The following TENM4 variants were observed in gnomAD, a reference collection of about 807,000 sequenced individuals.
The protein encoded by TENM4 is teneurin transmembrane protein 4, also known as teneurin-4.
Under a neutral mutation model 243.3 loss-of-function variants are expected in TENM4, and 82 were observed. That is an observed-to-expected ratio of 0.34 (90% CI 0.28 to 0.40). TENM4 has a LOEUF of 0.40. TENM4 is among the 10% of genes least tolerant of loss of function. The pLI is 1.00. For missense variants in TENM4, 3,138 were observed against 3,673.3 expected (o/e 0.85, Z 3.77); for synonymous variants, 1,412 against 1,456.3 (o/e 0.97, Z 0.69).
At chr11:78,877,952 G>C (rs1859311170) in intron 9 of TENM4, among the ~76,000 whole-genome samples, 1 of 152,166 alleles carries the variant, frequency 6.6e-6, no homozygotes, top group South Asian at 2.1e-4. Context: ...TACACTTCTT[G>C]CTTGAGTCAT....
chr11:79,096,062 A>G (rs1861068587), intron 4 of TENM4: 1 of 152,324 alleles, frequency 6.6e-6, no homozygotes, highest in Non-Finnish European at 1.5e-5. Flanking sequence ...AAGTGTGGAT[A>G]CTAGAGTCAG....
intron 4 of TENM4, among the ~76,000 whole-genome samples, chr11:79,109,729 C>A (rs1045258052): frequency 1.3e-5 from 2 of 152,218 alleles, no homozygotes; most frequent in Non-Finnish European, 2.9e-5. Context: ...ATCACAGACA[C>A]TCAGATATCT....
intron 6 of TENM4, among the ~76,000 whole-genome samples, chr11:79,042,470 T>C (rs1238626717): frequency 6.6e-6 from 1 of 152,190 alleles, no homozygotes; most frequent in Non-Finnish European, 1.5e-5. Context: ...TAAAAGAGGC[T>C]TAAGGGAGCT....
intron 1 of TENM4, among the ~76,000 whole-genome samples, chr11:79,332,758 G>C (rs780205884): frequency 6.6e-6 from 1 of 152,144 alleles, no homozygotes; most frequent in East Asian, 1.9e-4. Flanking sequence ...TAAGGACCTT[G>C]AATATACAGT....
chr11:79,360,333 T>A (rs946501773), intron 1 of TENM4, among the ~76,000 whole-genome samples: 7 of 152,172 alleles, frequency 4.6e-5, no homozygotes, highest in African/African-American at 1.7e-4. Context: ...TAATAATGTA[T>A]GTGATCAGGC....
chr11:79,254,499 G>C (rs1234163525), intron 2 of TENM4, among the ~76,000 whole-genome samples: 1 of 152,208 alleles, frequency 6.6e-6, no homozygotes, highest in Non-Finnish European at 1.5e-5. Flanking sequence ...CACCCTTGGA[G>C]AGAGGCAGCT....
rs147760000 is a variant in TENM4 at position 78,942,664 on chromosome 11, T to TA, written c.494-39142dup. On this transcript the variant is annotated intron_variant, in intron 6 of 33. Coordinates refer to ENST00000278550, the MANE Select transcript of TENM4 (RefSeq NM_001098816.3). Reference sequence around the variant, plus strand: ...TCTGTGGGCAACACGAGACAGAATCTATCCCAGAGGAGCCAGTGGGCAAAA... The same window carrying TA: ...TCTGTGGGCAACACGAGACAGAATCTAATCCCAGAGGAGCCAGTGGGCAAAA... Among the ~76,000 whole-genome samples, 571 of 152,252 alleles carry TA rather than the reference T, an allele frequency of 3.8e-3. 4 individuals carry two copies. Among genetic ancestry groups the TA allele is most frequent in the African/African-American group, 0.013 (521 of 41,552 alleles).
intron 16 of TENM4, among the ~76,000 whole-genome samples, chr11:78,786,138 G>A (rs1361552451): frequency 6.6e-6 from 1 of 152,200 alleles, no homozygotes; most frequent in Non-Finnish European, 1.5e-5. Flanking sequence ...AACAAAACCG[G>A]CAGGAAAGGC....
intron 6 of TENM4, among the ~76,000 whole-genome samples, chr11:78,965,360 G>A (rs1444224502): frequency 6.6e-6 from 1 of 151,626 alleles, no homozygotes; most frequent in Non-Finnish European, 1.5e-5. Context: ...TTTTGGAAAA[G>A]TTCTGTCTAC....
At chr11:79,427,874 C>A (rs565801073) in intron 1 of TENM4, among the ~76,000 whole-genome samples, 1 of 152,178 alleles carries the variant, frequency 6.6e-6, no homozygotes, top group East Asian at 1.9e-4. Flanking sequence ...AATCTTTCCA[C>A]GGCATGATGA....
At chr11:79,415,351 A>ATTTTCATTC (rs1314785570) in intron 1 of TENM4, among the ~76,000 whole-genome samples, 1 of 152,170 alleles carries the variant, frequency 6.6e-6, no homozygotes, top group Non-Finnish European at 1.5e-5. Flanking sequence ...ACTCACGTGA[A>ATTTTCATTC]TTTTCATTCG....
At chr11:78,811,466 G>C (rs1278705781) in intron 14 of TENM4, among the ~76,000 whole-genome samples, 1 of 152,154 alleles carries the variant, frequency 6.6e-6, no homozygotes, top group Non-Finnish European at 1.5e-5. Context: ...ACAGATGTCA[G>C]TGTTAAATCA....
intron 2 of TENM4, among the ~76,000 whole-genome samples, chr11:79,223,017 T>C (rs977188545): frequency 2.0e-5 from 3 of 151,956 alleles, no homozygotes; most frequent in African/African-American, 7.3e-5. Flanking sequence ...TCAGGATAAA[T>C]AGCTAATGCA....
At chr11:79,305,877 C>T (rs1407951906) in intron 1 of TENM4, among the ~76,000 whole-genome samples, 1 of 152,228 alleles carries the variant, frequency 6.6e-6, no homozygotes. Context: ...CCCTTGCCAG[C>T]AACTTCTAGC....
At chr11:78,803,309 G>A (rs188589397) in intron 15 of TENM4, among the ~76,000 whole-genome samples, 255 of 152,250 alleles carry the variant, frequency 1.7e-3, no homozygotes, top group Non-Finnish European at 2.8e-3. Context: ...GATTACAGGC[G>A]TGAGCCACTG....
chr11:79,188,839 G>T (rs779211420), intron 3 of TENM4, among the ~76,000 whole-genome samples: 1 of 152,146 alleles, frequency 6.6e-6, no homozygotes, highest in East Asian at 1.9e-4. Flanking sequence ...CCTCAGAAAG[G>T]CAGTCAGTAC....
At chr11:79,136,048 TG>T (rs894778046) in intron 4 of TENM4, among the ~76,000 whole-genome samples, 8 of 151,774 alleles carry the variant, frequency 5.3e-5, no homozygotes, top group Admixed American at 4.6e-4. Context: ...AAGAGTGGGT[TG>T]GGGGCAAGGG....
chr11:79,245,557 A>T (rs1341017567), intron 2 of TENM4, among the ~76,000 whole-genome samples: 1 of 152,188 alleles, frequency 6.6e-6, no homozygotes, highest in Non-Finnish European at 1.5e-5. Flanking sequence ...TGGAACCAAC[A>T]TTGTGGCATT....
At chr11:79,198,299 A>G (rs539933150) in intron 3 of TENM4, among the ~76,000 whole-genome samples, 1 of 152,204 alleles carries the variant, frequency 6.6e-6, no homozygotes, top group East Asian at 1.9e-4. Context: ...TGGTCTCCCA[A>G]ATACAATCTA....
Sources: allele counts gnomAD v4.1 joint callset (sites outside exome capture counted in the v4.1 genomes callset), GRCh38; gene constraint gnomAD v4.1.1; transcripts MANE v1.5; gene names NCBI Gene and HGNC (gene_info 2026-07-23, HGNC 2026-07-21).